ZYG11A: variants seen among roughly 807,000 people sequenced by gnomAD.
ZYG11A encodes zyg-11 family member A, cell cycle regulator.
A neutral mutation model predicts 77.2 loss-of-function variants in ZYG11A; 62 were observed. The ratio of observed to expected loss-of-function variants is 0.80; its 90% CI spans 0.65 to 0.99. ZYG11A has a LOEUF of 0.99. Among genes scored for constraint, ZYG11A ranks in the 50% least tolerant of loss-of-function variants. ZYG11A has a pLI of 0.00. For missense variants in ZYG11A, 828 were observed against 896.8 expected, an observed-to-expected ratio of 0.92 and a Z score of 0.98; for synonymous variants, 315 against 324.6, an observed-to-expected ratio of 0.97 and a Z score of 0.32.
chr1:52,848,061 G>A (rs1442735710), intron 1 of ZYG11A, among the ~76,000 whole-genome samples: 1 of 151,944 alleles, frequency 6.6e-6, no homozygotes, highest in East Asian at 1.9e-4. Context: ...AGTAGAGATG[G>A]GGTTTCACCA....
rs1369731140 is a variant in ZYG11A at position 52,872,862 on chromosome 1, GAC to G, written c.1543-4818_1543-4817del. Reference sequence around the variant, plus strand: ...CAAGCCACTGTACTTCAGCATGGATGACAGAGTGAGACTCTGTCTCAAAAAAA... The same window carrying G: ...CAAGCCACTGTACTTCAGCATGGATGAGAGTGAGACTCTGTCTCAAAAAAA... On this transcript the variant is annotated intron_variant, in intron 8 of 13. Transcript: ENST00000371528. 3.9e-5 allele frequency among the ~76,000 whole-genome samples: 5 copies of G among 127,560 alleles called. No individual in the cohort carries two copies. The Admixed American group carries it at 4.6e-4, about 12-fold the overall frequency. 83.7% of individuals were successfully genotyped at this position (127,560 alleles called of 152,430 possible).
intron 10 of ZYG11A, among the ~76,000 whole-genome samples, chr1:52,878,525 A>G (rs962698088): frequency 3.3e-5 from 5 of 152,192 alleles, no homozygotes; most frequent in African/African-American, 1.2e-4. Flanking sequence ...GTAAAGTCAC[A>G]TTGCTACGGG....
chr1:52,885,573 T>G (rs1408271186), intron 11 of ZYG11A, among the ~76,000 whole-genome samples: 3 of 152,222 alleles, frequency 2.0e-5, no homozygotes, highest in Non-Finnish European at 4.4e-5. Flanking sequence ...TGCATTGTTC[T>G]TTGTTTTACT....
intron 1 of ZYG11A, among the ~76,000 whole-genome samples, chr1:52,849,647 C>T (rs969435468): frequency 7.1e-6 from 1 of 139,902 alleles, no homozygotes; most frequent in East Asian, 1.9e-4. Flanking sequence ...GGATTACAGG[C>T]GTGAACCACT....
intron 13 of ZYG11A, among the ~76,000 whole-genome samples, chr1:52,887,567 G>T (rs975577685): frequency 1.3e-5 from 2 of 151,928 alleles, no homozygotes; most frequent in African/African-American, 4.8e-5. Flanking sequence ...AAATATTTCT[G>T]CATGTTTTGC....
At chr1:52,850,996 A>G (rs750860381) in intron 1 of ZYG11A, among the ~76,000 whole-genome samples, 1 of 151,792 alleles carries the variant, frequency 6.6e-6, no homozygotes, top group African/African-American at 2.4e-5. Context: ...AACTTTATGG[A>G]TGCTACTTTG....
chr1:52,887,699 T>C (rs1281155146), intron 13 of ZYG11A, among the ~76,000 whole-genome samples: 2 of 151,706 alleles, frequency 1.3e-5, no homozygotes, highest in Non-Finnish European at 1.5e-5. Context: ...CAGGGCAACA[T>C]AGCAAGACCC....
At chr1:52,847,502 G>A (rs1043463669) in intron 1 of ZYG11A, among the ~76,000 whole-genome samples, 3 of 133,992 alleles carry the variant, frequency 2.2e-5, no homozygotes, top group Non-Finnish European at 5.1e-5. Flanking sequence ...ACCGTGCCCA[G>A]CCTGTCATTT....
chr1:52,894,533 TAA>T lies in ZYG11A; in HGVS notation c.*1577_*1578del, dbSNP rs1646594073. The T allele has an allele frequency of 6.6e-6, 1 of 152,214 alleles. No individual in the cohort carries two copies. The highest frequency in any genetic ancestry group is 1.5e-5 in the Non-Finnish European group (1 of 68,018). The allele number at this position is 152,214 out of a possible 1,614,324, so 9.4% of individuals were successfully genotyped here. On this transcript the variant is annotated 3_prime_UTR_variant, in exon 14 of 14. Coordinates refer to ENST00000371528, the MANE Select transcript of ZYG11A (RefSeq NM_001004339.3). The stretch of plus-strand genomic sequence containing the variant: ...GAACATGTTTTGTCATTTATCTGTT[TAA>T]GTTTTTCAGAAAATAAAAGTAAATT...
At chr1:52,873,876 C>T (rs987844612) in intron 8 of ZYG11A, among the ~76,000 whole-genome samples, 9 of 151,456 alleles carry the variant, frequency 5.9e-5, no homozygotes, top group African/African-American at 1.7e-4. Flanking sequence ...CCCAGCTACT[C>T]GGGAGGCTGA....
intron 1 of ZYG11A, among the ~76,000 whole-genome samples, chr1:52,844,731 T>C (rs1298002728): frequency 6.6e-6 from 1 of 152,032 alleles, no homozygotes; most frequent in African/African-American, 2.4e-5. Context: ...TCTCCCAAAG[T>C]GCTGGGATTA....
Position 52,894,337 on chromosome 1 carries a change from A to C in ZYG11A, c.*1380A>C, listed in dbSNP as rs1557464659. ...AAAGGCCAGAAAGAGACTTTGCCAG[A>C]GAGTTCACGGAGTTTTCTTACCCCG... On this transcript the variant is annotated 3_prime_UTR_variant, in exon 14 of 14. Coordinates refer to ENST00000371528, the MANE Select transcript of ZYG11A (RefSeq NM_001004339.3). The C allele has an allele frequency of 6.6e-6, 1 of 152,292 alleles. No homozygotes were observed. The highest frequency in any genetic ancestry group is 1.9e-4 in the East Asian group (1 of 5,184). The allele number at this position is 152,292 out of a possible 1,614,324, so 9.4% of individuals were successfully genotyped here.
rs1646048517 is a variant in ZYG11A, at chr1:52,867,546, G to C, written c.1399G>C (p.Ala467Pro). 1.9e-6 allele frequency: 3 copies of C among 1,550,766 alleles called. No individual in the cohort carries two copies. In the South Asian group the frequency reaches 3.6e-5, roughly 18 times the overall value. The change falls in exon 7 of 14, where the codon GCT (alanine) becomes CCT (proline). Residue 467 changes from alanine (A) to proline (P), a missense_variant. Physicochemically the swap from Ala to Pro is conservative, Grantham distance 27. Coordinates refer to ENST00000371528, the MANE Select transcript of ZYG11A (RefSeq NM_001004339.3). ...ATAAATACTGCTTTTCAGGTTTGATGCTGCCAAGTTTGTCATGAGATGGCT... is the reference window on the plus strand; with the variant it reads ...ATAAATACTGCTTTTCAGGTTTGATCCTGCCAAGTTTGTCATGAGATGGCT... Reference protein sequence around the residue: ...LVDVPFDRFDAAKFVMRWLCK... With the variant: ...LVDVPFDRFDPAKFVMRWLCK...
At chr1:52,882,892 T>G (rs567880) in intron 11 of ZYG11A, among the ~76,000 whole-genome samples, 95,901 of 151,388 alleles carry the variant, frequency 0.63, 31,256 homozygotes, top group Middle Eastern at 0.75. Flanking sequence ...TTCATATATT[T>G]TGTTGAGTAC....
At chr1:52,859,062 T>G (rs1645872456) in intron 3 of ZYG11A, among the ~76,000 whole-genome samples, 1 of 148,706 alleles carries the variant, frequency 6.7e-6, no homozygotes, top group African/African-American at 2.6e-5. Context: ...TGTATTTTAA[T>G]TAATTAATTA....
intron 8 of ZYG11A, among the ~76,000 whole-genome samples, chr1:52,871,865 G>A (rs550274214): frequency 4.2e-4 from 64 of 152,216 alleles, no homozygotes; most frequent in Admixed American, 1.0e-3. Context: ...GAAAATTGAC[G>A]TCCTGTAATT....
Position 52,877,824 on chromosome 1 carries a change from T to A in ZYG11A, c.1685T>A (p.Ile562Asn). ...TTCATTGAAAATCAAGGATTGCAAATCTTCATCCAAGTCTTGGAGGTGGGA... is the reference window on the plus strand; with the variant it reads ...TTCATTGAAAATCAAGGATTGCAAAACTTCATCCAAGTCTTGGAGGTGGGA... ...KHFIENQGLQ[I>N]FIQVLETFSE... Residue 562 changes from isoleucine to asparagine, a missense_variant, in exon 9 of 14, where the codon ATC (isoleucine) becomes AAC (asparagine). Ile to Asn is a moderately radical substitution (Grantham distance 149, BLOSUM62 -3). Coordinates refer to ENST00000371528, the MANE Select transcript of ZYG11A (RefSeq NM_001004339.3). The A allele has an allele frequency of 1.3e-6, 2 of 1,551,528 alleles. No homozygotes were observed. The highest frequency in any genetic ancestry group is 2.4e-5 in the South Asian group (2 of 83,954).
chr1:52,851,836 C>T (rs1645718480), intron 1 of ZYG11A, among the ~76,000 whole-genome samples: 1 of 151,662 alleles, frequency 6.6e-6, no homozygotes, highest in South Asian at 2.1e-4. Context: ...CAACCTCCAC[C>T]TCCCTCGTTC....
Position 52,893,794 on chromosome 1 carries a change from A to G in ZYG11A, c.*837A>G, listed in dbSNP as rs1646583061. On this transcript the variant is annotated 3_prime_UTR_variant, in exon 14 of 14. Transcript: ENST00000371528. ...GAATAGAGGGGTGGAGAAAAGAGAAATATATTTTTTTACCTTTTTTTTTTT... is the reference window on the plus strand; with the variant it reads ...GAATAGAGGGGTGGAGAAAAGAGAAGTATATTTTTTTACCTTTTTTTTTTT... The G allele has an allele frequency of 6.8e-6, 1 of 146,780 alleles. No individual in the cohort carries two copies. Among genetic ancestry groups the G allele is most frequent in the Admixed American group, 6.8e-5 (1 of 14,808 alleles). The allele number at this position is 146,780 out of a possible 1,614,324, so 9.1% of individuals were successfully genotyped here.
Sources: allele counts gnomAD v4.1 joint callset (sites outside exome capture counted in the v4.1 genomes callset), GRCh38; gene constraint gnomAD v4.1.1; transcripts MANE v1.5; gene names NCBI Gene and HGNC (gene_info 2026-07-23, HGNC 2026-07-21).